Variants in LRMDA observed in about 807,000 individuals in gnomAD.
The protein encoded by LRMDA is leucine rich melanocyte differentiation associated.
Under a neutral mutation model 29.8 loss-of-function variants are expected in LRMDA, and 18 were observed. The ratio of observed to expected loss-of-function variants is 0.60; its 90% CI spans 0.42 to 0.90. The LOEUF (loss-of-function observed/expected upper bound fraction) is 0.90, where lower values mean the gene tolerates loss of function less well. Ranked by LOEUF, LRMDA falls within the 40% of genes least tolerant of loss-of-function variation. LRMDA has a pLI of 0.00. For synonymous variants in LRMDA, 125 were observed against 109.4 expected (o/e 1.14, Z -0.89); for missense variants, 273 against 273.9 (o/e 1.00, Z 0.02).
intron 2 of LRMDA, among the ~76,000 whole-genome samples, chr10:75,589,869 T>C (rs1840701372): frequency 6.6e-6 from 1 of 152,038 alleles, no homozygotes; most frequent in African/African-American, 2.4e-5. Flanking sequence ...GTGTACTCTA[T>C]GGGTATGTAA....
At chr10:75,489,294 G>T (rs778212515) in intron 2 of LRMDA, among the ~76,000 whole-genome samples, 1 of 149,442 alleles carries the variant, frequency 6.7e-6, no homozygotes. Context: ...GCTGAATATT[G>T]TTCTAAGGAA....
chr10:75,997,594 G>C (rs1250802036), intron 2 of LRMDA, among the ~76,000 whole-genome samples: 2 of 152,026 alleles, frequency 1.3e-5, no homozygotes, highest in Non-Finnish European at 2.9e-5. Flanking sequence ...AGAAAGTCAG[G>C]GATTTTATCC....
chr10:75,962,092 C>T (rs1428355562), intron 2 of LRMDA, among the ~76,000 whole-genome samples: 1 of 152,158 alleles, frequency 6.6e-6, no homozygotes, highest in Non-Finnish European at 1.5e-5. Flanking sequence ...CATCGTATTA[C>T]ATCTGCAATG....
chr10:75,490,741 C>G (rs993998553), intron 2 of LRMDA, among the ~76,000 whole-genome samples: 1 of 152,020 alleles, frequency 6.6e-6, no homozygotes, highest in Non-Finnish European at 1.5e-5. Context: ...TCTATGTGAC[C>G]CTACCACTCA....
chr10:76,324,340 G>A, intron 5 of LRMDA, 61 bp from the exon 6 acceptor site: 1 of 1,388,782 alleles, frequency 7.2e-7, no homozygotes, highest in Non-Finnish European at 1.0e-6. Flanking sequence ...TCTGGTAAAT[G>A]AGGGTATTTG....
At chr10:75,625,174 G>A (rs975183638) in intron 2 of LRMDA, among the ~76,000 whole-genome samples, 2 of 152,176 alleles carry the variant, frequency 1.3e-5, no homozygotes, top group African/African-American at 2.4e-5. Flanking sequence ...CCTTCCTGAT[G>A]GTAGTGATGC....
At chr10:76,322,099 A>G (rs966778373) in intron 5 of LRMDA, among the ~76,000 whole-genome samples, 1 of 152,244 alleles carries the variant, frequency 6.6e-6, no homozygotes, top group Non-Finnish European at 1.5e-5. Context: ...CTATTACTGC[A>G]TACTCAATAT....
intron 5 of LRMDA, among the ~76,000 whole-genome samples, chr10:76,114,260 T>C (rs1254531479): frequency 2.0e-5 from 3 of 152,252 alleles, no homozygotes; most frequent in African/African-American, 7.2e-5. Context: ...TCAATCATTG[T>C]GATTGACGGC....
At chr10:75,451,870 T>C (rs1844465995) in intron 2 of LRMDA, 1 of 137,020 alleles carries the variant, frequency 7.3e-6, no homozygotes, top group African/African-American at 2.6e-5. Flanking sequence ...CAGCTATTGC[T>C]CTGGTAAAAA....
chr10:75,964,911 TG>T (rs1341610728), intron 2 of LRMDA, among the ~76,000 whole-genome samples: 1 of 152,132 alleles, frequency 6.6e-6, no homozygotes, highest in Non-Finnish European at 1.5e-5. Flanking sequence ...ATTACAGGTG[TG>T]TGCCACCACA....
intron 2 of LRMDA, among the ~76,000 whole-genome samples, chr10:75,865,715 C>T (rs1845007176): frequency 6.6e-6 from 1 of 152,136 alleles, no homozygotes; most frequent in South Asian, 2.1e-4. Context: ...ATGTTCCCTT[C>T]TCCTGCCATT....
In LRMDA at chr10:76,118,401, A is replaced by G. The variant is rs149097225; in HGVS notation, c.516+59618A>G. 3.7e-3 allele frequency among the ~76,000 whole-genome samples: 566 copies of G among 152,320 alleles called. 6 individuals are homozygous for G. The highest frequency in any genetic ancestry group is 0.013 in the African/African-American group (542 of 41,560). On this transcript the variant is annotated intron_variant, in intron 5 of 6. Coordinates refer to ENST00000611255, the MANE Select transcript of LRMDA (RefSeq NM_001305581.2). ...TGTTTGAGAACTTCTATATTAAGAT[A>G]TAGTGTGCTAATGTTATTACCCAAT...
At chr10:75,562,834 C>T (rs1178822085) in intron 2 of LRMDA, among the ~76,000 whole-genome samples, 1 of 152,156 alleles carries the variant, frequency 6.6e-6, no homozygotes, top group Non-Finnish European at 1.5e-5. Flanking sequence ...AAATTCTTTT[C>T]TTTAAGTATG....
chr10:76,544,484 T>C (rs969192437), intron 6 of LRMDA, among the ~76,000 whole-genome samples: 7 of 152,134 alleles, frequency 4.6e-5, no homozygotes, highest in African/African-American at 1.7e-4. Context: ...CATCTTAATA[T>C]TGCTGGAGAG....
Position 75,802,653 on chromosome 10 carries a change from A to G in LRMDA, c.132-233355A>G, listed in dbSNP as rs1250341744. On this transcript the variant is annotated intron_variant, in intron 2 of 6. Transcript: ENST00000611255. ...AGCAATAGCTTCAAGAACGAAGAAG[A>G]TTAAACAAACACTATCGAATGAAAG... Among the ~76,000 whole-genome samples the G allele has an allele frequency of 2.0e-5, 3 of 152,188 alleles. No individual in the cohort carries two copies. In the South Asian group the frequency reaches 6.2e-4, roughly 32 times the overall value.
At chr10:75,829,088 A>T (rs954510029) in intron 2 of LRMDA, among the ~76,000 whole-genome samples, 4 of 152,202 alleles carry the variant, frequency 2.6e-5, no homozygotes, top group Non-Finnish European at 4.4e-5. Flanking sequence ...AAGATTCAAA[A>T]GTTAGTCTTG....
rs572544500 is a variant in LRMDA at position 75,782,875 on chromosome 10, C to T, written c.132-253133C>T. 8.4e-5 allele frequency: 133 copies of T among 1,586,108 alleles called. No individual in the cohort carries two copies. In the African/African-American group the frequency reaches 1.5e-3, roughly 17 times the overall value. On this transcript the variant is annotated intron_variant, in intron 2 of 6. Transcript: ENST00000611255. ...ATTCTTTTTCCCTTGCCCCCAAAGCCGTGGAGTACCTGCTGTTGCTCTCAT... is the reference window on the plus strand; with the variant it reads ...ATTCTTTTTCCCTTGCCCCCAAAGCTGTGGAGTACCTGCTGTTGCTCTCAT...
intron 2 of LRMDA, among the ~76,000 whole-genome samples, chr10:75,751,991 G>GT (rs1842974783): frequency 6.6e-6 from 1 of 151,768 alleles, no homozygotes; most frequent in Non-Finnish European, 1.5e-5. Context: ...AAAATGACGA[G>GT]TTTGGTGCTG....
chr10:75,475,668 T>C lies in LRMDA; in HGVS notation c.131+37174T>C, dbSNP rs891694045. Among the ~76,000 whole-genome samples, 5 of 152,330 alleles carry C rather than the reference T, an allele frequency of 3.3e-5. No homozygotes were observed. The South Asian group carries it at 1.0e-3, about 32-fold the overall frequency. ...CCTATAATAGAATCCTCTCGTGTTA[T>C]TTAAATCCCAGGGTTTTACATTACA... On this transcript the variant is annotated intron_variant, in intron 2 of 6. Coordinates refer to ENST00000611255, the MANE Select transcript of LRMDA (RefSeq NM_001305581.2).
Sources: gnomAD v4.1 joint callset for allele counts (sites outside exome capture counted in the v4.1 genomes callset) on GRCh38, gnomAD v4.1.1 for gene constraint, MANE v1.5 for transcripts, NCBI Gene and HGNC (gene_info 2026-07-23, HGNC 2026-07-21) for gene names.